ARFGAP3: variants seen among roughly 807,000 people sequenced by gnomAD.
The protein encoded by ARFGAP3 is ARF GTPase activating protein 3, also known as ADP-ribosylation factor GTPase-activating protein 3.
Under a neutral mutation model 75.0 loss-of-function variants are expected in ARFGAP3, and 72 were observed. The ratio of observed to expected loss-of-function variants is 0.96; its 90% CI spans 0.79 to 1.17. The LOEUF is 1.17. Among genes scored for constraint, ARFGAP3 ranks in the 50% most tolerant of loss-of-function variants. ARFGAP3 has a pLI of 0.00. For missense variants in ARFGAP3, 620 were observed against 626.6 expected, an observed-to-expected ratio of 0.99 and a Z score of 0.11; for synonymous variants, 221 against 217.9, an observed-to-expected ratio of 1.01 and a Z score of -0.13.
At chr22:42,809,029 T>A in intron 12 of ARFGAP3, 139 bp from the exon 13 acceptor site, 1 of 1,061,196 alleles carries the variant, frequency 9.4e-7, no homozygotes, top group Non-Finnish European at 1.2e-6. Context: ...AGCCTGAAAA[T>A]TCTAATTAAA....
chr22:42,809,535 T>C (rs1041483735), intron 12 of ARFGAP3, among the ~76,000 whole-genome samples: 1 of 148,974 alleles, frequency 6.7e-6, no homozygotes, highest in Admixed American at 6.7e-5. Context: ...AGACCTGGGG[T>C]GACCAGGGGC....
At position 42,831,622 on chromosome 22, in the gene ARFGAP3, C is replaced by G; in HGVS notation, c.492G>C (p.Ala164=). 1.2e-6 allele frequency: 2 copies of G among 1,614,022 alleles called. No homozygotes were observed. Among genetic ancestry groups the G allele is most frequent in the South Asian group, 2.2e-5 (2 of 91,084 alleles). ...SHVSPEVSDT[A]WASAIAEPSS... is the part of the protein sequence containing the mutation. Reference sequence around the variant, plus strand: ...ATGGTTCTGCTATTGCTGATGCCCACGCTGTGTCACTCACCTGAAACAAGG... The same window carrying G: ...ATGGTTCTGCTATTGCTGATGCCCAGGCTGTGTCACTCACCTGAAACAAGG... Residue 164 remains alanine, a synonymous_variant, in exon 6 of 16, where the codon GCG becomes GCC. Transcript: ENST00000263245.
intron 1 of ARFGAP3, among the ~76,000 whole-genome samples, chr22:42,850,961 G>A (rs748295814): frequency 5.3e-4 from 81 of 152,346 alleles, no homozygotes; most frequent in Non-Finnish European, 1.0e-3. Context: ...AGACAGACGC[G>A]CAAATTCAAA....
At chr22:42,801,890 G>A (rs1481317975) in intron 14 of ARFGAP3, among the ~76,000 whole-genome samples, 1 of 152,174 alleles carries the variant, frequency 6.6e-6, no homozygotes, top group Non-Finnish European at 1.5e-5. Context: ...AATACGGGTT[G>A]CGGGGCTGTC....
At chr22:42,828,681 CTTTTTTTT>C (rs11379515) in intron 6 of ARFGAP3, among the ~76,000 whole-genome samples, 1 of 116,224 alleles carries the variant, frequency 8.6e-6, no homozygotes, top group Non-Finnish European at 1.7e-5. Flanking sequence ...AGCCCCCGGC[CTTTTTTTT>C]TTTTTTTTTT....
chr22:42,829,222 A>G (rs1223506601), intron 6 of ARFGAP3, among the ~76,000 whole-genome samples: 1 of 152,222 alleles, frequency 6.6e-6, no homozygotes, highest in Admixed American at 6.5e-5. Flanking sequence ...CACACAGTGG[A>G]CATGCAAACT....
intron 12 of ARFGAP3, 70 bp downstream of exon 12, chr22:42,810,743 A>G (rs1270595919): frequency 7.3e-7 from 1 of 1,374,056 alleles, no homozygotes; most frequent in Non-Finnish European, 1.0e-6. Context: ...TCATGTCATC[A>G]TGTTATCAGC....
intron 11 of ARFGAP3, among the ~76,000 whole-genome samples, chr22:42,812,158 G>A (rs758742225): frequency 7.0e-6 from 1 of 143,762 alleles, no homozygotes; most frequent in African/African-American, 2.6e-5. Context: ...CTGGGAGGCC[G>A]AGACTGCAGT....
At position 42,810,928 on chromosome 22, in the gene ARFGAP3, C is replaced by T. The variant is rs983218639; in HGVS notation, c.1081G>A (p.Val361Met). ...GAGAAAGAACTGCTCCTTAACTCCA[C>T]TGGCTCGTCAAAGTAACTGTAGGAG... ...TSSSSYFDEP[V>M]ELRSSSFSSW... Residue 361 changes from valine (V) to methionine (M), a missense_variant, in exon 12 of 16, where the codon GTG (valine) becomes ATG (methionine). Val to Met is a conservative substitution (Grantham distance 21, BLOSUM62 1). Coordinates refer to ENST00000263245, the MANE Select transcript of ARFGAP3 (RefSeq NM_014570.5). 6.2e-7 allele frequency: 1 copy of T among 1,614,184 alleles called. No homozygotes were observed. The highest frequency in any genetic ancestry group is 1.3e-5 in the African/African-American group (1 of 75,056).
At chr22:42,837,855 T>C (rs866361749) in intron 3 of ARFGAP3, among the ~76,000 whole-genome samples, 6 of 144,186 alleles carry the variant, frequency 4.2e-5, no homozygotes, top group Non-Finnish European at 9.0e-5. Flanking sequence ...TAATTTAAAA[T>C]TTTTTTTTTG....
intron 6 of ARFGAP3, among the ~76,000 whole-genome samples, chr22:42,828,904 T>C (rs2065011455): frequency 6.6e-6 from 1 of 152,072 alleles, no homozygotes; most frequent in Non-Finnish European, 1.5e-5. Flanking sequence ...AGGCTGGCCT[T>C]GAACCCCTGG....
intron 11 of ARFGAP3, among the ~76,000 whole-genome samples, chr22:42,812,493 G>A (rs1925410978): frequency 6.6e-6 from 1 of 152,164 alleles, no homozygotes; most frequent in African/African-American, 2.4e-5. Flanking sequence ...CGTGCTATAA[G>A]GAGTTGCACA....
At chr22:42,833,920 A>C (rs747155589) in intron 5 of ARFGAP3, among the ~76,000 whole-genome samples, 1 of 152,208 alleles carries the variant, frequency 6.6e-6, no homozygotes, top group Non-Finnish European at 1.5e-5. Flanking sequence ...AGTCCCCCCA[A>C]AAATAAATAA....
Position 42,826,985 on chromosome 22 carries a change from C to G in ARFGAP3, c.580G>C (p.Gly194Arg). The G allele has an allele frequency of 6.2e-7, 1 of 1,613,410 alleles. No homozygotes were observed. Among genetic ancestry groups the G allele is most frequent in the Non-Finnish European group, 8.5e-7 (1 of 1,179,830 alleles). Residue 194 changes from glycine to arginine, a missense_variant, in exon 7 of 16, where the codon GGA (glycine) becomes CGA (arginine). Transcript: ENST00000263245. The part of the protein sequence containing the change: ...LENNEGGQEQ[G>R]PSVEGLNVPT... ...ACATTAAGACCTTCCACACTTGGTC[C>G]TTGCTCTTGTCCACCTGAAAATTCA...
chr22:42,834,199 C>A, intron 5 of ARFGAP3, 43 bp downstream of exon 5: 2 of 1,563,078 alleles, frequency 1.3e-6, no homozygotes, highest in South Asian at 1.1e-5. Flanking sequence ...TGTTAACTGT[C>A]AGAGTAAGCA....
intron 2 of ARFGAP3, 114 bp downstream of exon 2, chr22:42,847,400 A>C: frequency 1.2e-6 from 1 of 861,390 alleles, no homozygotes; most frequent in East Asian, 2.7e-5. Context: ...CCTGCAGCCA[A>C]GGTGACAGGC....
intron 13 of ARFGAP3, among the ~76,000 whole-genome samples, chr22:42,807,437 C>T (rs1406240189): frequency 6.6e-6 from 1 of 152,184 alleles, no homozygotes; most frequent in Admixed American, 6.5e-5. Context: ...GGGAGAGCGG[C>T]ATCTCTCTCC....
Position 42,823,834 on chromosome 22 carries a change from T to C in ARFGAP3, c.626-132A>G, listed in dbSNP as rs139689063. 18 of 1,132,186 alleles carry C rather than the reference T, an allele frequency of 1.6e-5. No homozygotes were observed. In the African/African-American group the frequency reaches 2.7e-4, roughly 17 times the overall value. 70.1% of individuals were successfully genotyped at this position (1,132,186 alleles called of 1,614,324 possible). ...TAACATTTTCCACTTTAGTTTCTCA[T>C]CCAGAAGACTCAAGTTGATAAGCAT... On this transcript the variant is annotated intron_variant, in intron 7 of 15. Coordinates refer to ENST00000263245, the MANE Select transcript of ARFGAP3 (RefSeq NM_014570.5).
rs551540197 is a variant in ARFGAP3 at position 42,833,616 on chromosome 22, T to A, written c.477+626A>T. On this transcript the variant is annotated intron_variant, in intron 5 of 15. Coordinates refer to ENST00000263245, the MANE Select transcript of ARFGAP3 (RefSeq NM_014570.5). ...ACTACAAATACAAAAATTAGCCAGG[T>A]GTGGTGGCGTGCACCTGTTGTCCCA... Among the ~76,000 whole-genome samples, 8 of 152,206 alleles carry A rather than the reference T, an allele frequency of 5.3e-5. No homozygotes were observed. The East Asian group carries it at 1.4e-3, about 26-fold the overall frequency.
Sources: gnomAD v4.1 joint callset for allele counts (sites outside exome capture counted in the v4.1 genomes callset) on GRCh38, gnomAD v4.1.1 for gene constraint, MANE v1.5 for transcripts, NCBI Gene and HGNC (gene_info 2026-07-23, HGNC 2026-07-21) for gene names.